Variants in LARGE1 observed in about 807,000 individuals in gnomAD.
LARGE1 encodes xylosyl- and glucuronyltransferase LARGE1.
A neutral mutation model predicts 87.6 loss-of-function variants in LARGE1; 43 were observed. That is an observed-to-expected ratio of 0.49 (90% CI 0.38 to 0.63). The LOEUF is 0.63. Ranked by LOEUF, LARGE1 falls within the 30% of genes least tolerant of loss-of-function variation. LARGE1 has a pLI of 0.00. For synonymous variants in LARGE1, 434 were observed against 394.6 expected (o/e 1.10, Z -1.18); for missense variants, 802 against 1,000.2 (o/e 0.80, Z 2.67).
chr22:33,074,136 T>C, the LARGE1 span, among the ~76,000 whole-genome samples: 27 of 152,294 alleles, frequency 1.8e-4, 1 homozygote, highest in African/African-American at 6.5e-4. Flanking sequence ...CACTTGTAAA[T>C]GTCAGGAGGA....
At chr22:33,838,657 A>C (rs1338003103) in intron 1 of LARGE1, among the ~76,000 whole-genome samples, 6 of 152,228 alleles carry the variant, frequency 3.9e-5, no homozygotes, top group Non-Finnish European at 5.9e-5. Context: ...ATTGTCCTTT[A>C]GCGATTTCTA....
intron 4 of LARGE1, among the ~76,000 whole-genome samples, chr22:33,614,700 C>G (rs1326269459): frequency 3.9e-5 from 6 of 152,160 alleles, no homozygotes; most frequent in Non-Finnish European, 7.4e-5. Context: ...CCATCACTCT[C>G]CATCCCACTG....
chr22:33,901,877 G>A (rs958706362), intron 1 of LARGE1, among the ~76,000 whole-genome samples: 5 of 152,136 alleles, frequency 3.3e-5, no homozygotes, highest in African/African-American at 4.8e-5. Flanking sequence ...AATTTGGGAA[G>A]CGGATTTTTG....
the LARGE1 span, among the ~76,000 whole-genome samples, chr22:33,072,366 G>A: frequency 6.6e-6 from 1 of 152,110 alleles, no homozygotes; most frequent in African/African-American, 2.4e-5. Flanking sequence ...TCTTCATTTT[G>A]TCCTGGATAG....
chr22:33,149,756 T>C, the LARGE1 span, among the ~76,000 whole-genome samples: 2 of 152,206 alleles, frequency 1.3e-5, no homozygotes, highest in Non-Finnish European at 2.9e-5. Flanking sequence ...CAGCTCCTTA[T>C]GCTTGTTGGA....
At chr22:33,652,746 C>T (rs532452842) in intron 2 of LARGE1, among the ~76,000 whole-genome samples, 1 of 152,328 alleles carries the variant, frequency 6.6e-6, no homozygotes. Context: ...TTACACCCTG[C>T]AGGTCTCACT....
Position 33,188,920 on chromosome 22 carries a change from G to A in LARGE1, c.1731-22088C>T, listed in dbSNP as rs543257559. Reference sequence around the variant, plus strand: ...GTCAGCAGTAACCTATAAAATAGGCGCAGTCATGGGCTATGTCAAGGTGGT... The same window carrying A: ...GTCAGCAGTAACCTATAAAATAGGCACAGTCATGGGCTATGTCAAGGTGGT... On this transcript the variant is annotated intron_variant, in intron 11 of 11. Transcript: ENST00000608642. Among the ~76,000 whole-genome samples the A allele has an allele frequency of 6.6e-5, 10 of 152,186 alleles. No individual in the cohort carries two copies. The South Asian group carries it at 1.2e-3, about 19-fold the overall frequency.
At chr22:33,849,592 C>CTTTTTTTTTTTTTTTTTTTTTTTTTTTT (rs71187287) in intron 1 of LARGE1, among the ~76,000 whole-genome samples, 2 of 88,592 alleles carry the variant, frequency 2.3e-5, no homozygotes, top group Non-Finnish European at 2.0e-5. Flanking sequence ...CTTTTCTTCT[C>CTTTTTTTTTTTTTTTTTTTTTTTTTTTT]TTTTTTTTTT....
intron 6 of LARGE1, among the ~76,000 whole-genome samples, chr22:33,462,670 A>C (rs530574576): frequency 5.3e-5 from 8 of 152,132 alleles, no homozygotes; most frequent in Non-Finnish European, 1.2e-4. Flanking sequence ...AATCCCAGCT[A>C]CTCAGGAGGC....
intron 7 of LARGE1, among the ~76,000 whole-genome samples, chr22:33,393,838 G>A (rs574774485): frequency 6.6e-6 from 1 of 152,296 alleles, no homozygotes; most frequent in Admixed American, 6.5e-5. Context: ...GTTGTGCTGG[G>A]AGCACAGAGA....
At chr22:33,682,715 G>T (rs983034315) in intron 2 of LARGE1, among the ~76,000 whole-genome samples, 13 of 152,164 alleles carry the variant, frequency 8.5e-5, no homozygotes, top group African/African-American at 2.9e-4. Flanking sequence ...ACACACAGTG[G>T]CTGGCATAGA....
At position 33,356,791 on chromosome 22, in the gene LARGE1, A is replaced by G. The variant is rs572922661; in HGVS notation, c.1132-18990T>C. On this transcript the variant is annotated intron_variant, in intron 9 of 14. Transcript: ENST00000397394. ...ATCAAAAAAGAAAAAGAAAAAAAGA[A>G]AAGAAAGAAAGAGAAGAGAAAACAA... Among the ~76,000 whole-genome samples the G allele has an allele frequency of 2.0e-5, 3 of 152,280 alleles. No homozygotes were observed. In the South Asian group the frequency reaches 6.2e-4, roughly 32 times the overall value.
In LARGE1 at chr22:33,846,569, C is replaced by A. The variant is rs142979454; in HGVS notation, c.-83+73426G>T. Among the ~76,000 whole-genome samples the A allele has an allele frequency of 5.1e-3, 774 of 152,254 alleles. 9 individuals carry two copies. The highest frequency in any genetic ancestry group is 0.017 in the African/African-American group (726 of 41,526). ...AGAGATAACCTTAAACTCTGACCAA[C>A]GGTGAGCCAGGTGGAACAGAGCCAT... On this transcript the variant is annotated intron_variant, in intron 1 of 14. Coordinates refer to ENST00000397394, the MANE Select transcript of LARGE1 (RefSeq NM_133642.5).
At position 33,296,832 on chromosome 22, in the gene LARGE1, G is replaced by C. The variant is rs372235838; in HGVS notation, c.1730+7397C>G. 1.2e-4 allele frequency among the ~76,000 whole-genome samples: 18 copies of C among 152,260 alleles called. No individual in the cohort carries two copies. In the East Asian group the frequency reaches 1.5e-3, roughly 13 times the overall value. The stretch of plus-strand genomic sequence containing the variant: ...GATCTGCCCACCTCGGCCTCCCAAA[G>C]TGCTGGGACTACAGGTATAAGCCAC... On this transcript the variant is annotated intron_variant, in intron 12 of 14. Coordinates refer to ENST00000397394, the MANE Select transcript of LARGE1 (RefSeq NM_133642.5).
chr22:33,774,351 TTTTC>T (rs900382640), intron 1 of LARGE1, among the ~76,000 whole-genome samples: 22 of 152,220 alleles, frequency 1.4e-4, no homozygotes, highest in East Asian at 5.8e-4. Context: ...TAATCTTTTT[TTTTC>T]TTTCTTTCTT....
chr22:33,602,234 G>A (rs1224658119), intron 5 of LARGE1, among the ~76,000 whole-genome samples: 1 of 151,990 alleles, frequency 6.6e-6, no homozygotes, highest in Non-Finnish European at 1.5e-5. Flanking sequence ...ATTCTTCGGC[G>A]GTAAACCAGG....
At chr22:33,920,820 G>C (rs2065926624), upstream of LARGE1, among the ~76,000 whole-genome samples, 1 of 144,642 alleles carries the variant, frequency 6.9e-6, no homozygotes, top group Admixed American at 6.8e-5. Context: ...CTGGGCGGCC[G>C]CTGCAGCCGC....
chr22:33,221,534 T>A (rs1925458952), intron 11 of LARGE1: 1 of 152,254 alleles, frequency 6.6e-6, no homozygotes, highest in African/African-American at 2.4e-5. Context: ...AATTTGCATT[T>A]ATTTCAATAA....
intron 11 of LARGE1, among the ~76,000 whole-genome samples, chr22:33,254,457 T>G (rs991352967): frequency 6.6e-6 from 1 of 152,200 alleles, no homozygotes; most frequent in East Asian, 1.9e-4. Flanking sequence ...GGTCTGGCCA[T>G]TGTCTATTTT....
Sources: gnomAD v4.1 joint callset for allele counts (sites outside exome capture counted in the v4.1 genomes callset) on GRCh38, gnomAD v4.1.1 for gene constraint, MANE v1.5 for transcripts, NCBI Gene and HGNC (gene_info 2026-07-23, HGNC 2026-07-21) for gene names.